LIMCH1: variants seen among roughly 807,000 people sequenced by gnomAD.
LIMCH1 encodes the protein LIM and calponin homology domains 1.
LIMCH1 carries 113 observed loss-of-function variants against 176.5 expected under a neutral mutation model. The observed-to-expected ratio is 0.64, with a 90% CI of 0.55 to 0.75. The LOEUF (loss-of-function observed/expected upper bound fraction) is 0.75, where lower values mean the gene tolerates loss of function less well. Ranked by LOEUF, LIMCH1 falls within the 30% of genes least tolerant of loss-of-function variation. LIMCH1 has a pLI of 0.00. For synonymous variants in LIMCH1, 619 were observed against 645.9 expected, an observed-to-expected ratio of 0.96 and a Z score of 0.63; for missense variants, 1,674 against 1,814.9, an observed-to-expected ratio of 0.92 and a Z score of 1.41.
chr4:41,685,326 A>G (rs764739121), intron 27 of LIMCH1, among the ~76,000 whole-genome samples: 21 of 152,172 alleles, frequency 1.4e-4, no homozygotes, highest in Admixed American at 7.9e-4. Flanking sequence ...TGCCCTATGG[A>G]TTTAAACCAC....
intron 1 of LIMCH1, among the ~76,000 whole-genome samples, chr4:41,460,458 C>CCATATATATATATATATATATATATA (rs1554057132): frequency 4.5e-5 from 5 of 110,546 alleles, no homozygotes; most frequent in African/African-American, 1.2e-4. Context: ...TAGTAATCAT[C>CCATATATATATATATATATATATATA]TATATATATA....
At chr4:41,545,992 C>T (rs1466020430) in intron 1 of LIMCH1, among the ~76,000 whole-genome samples, 1 of 152,080 alleles carries the variant, frequency 6.6e-6, no homozygotes, top group African/African-American at 2.4e-5. Context: ...CTTGGTCTAC[C>T]TGTTTATTCA....
rs73146280 is a variant in LIMCH1, at chr4:41,399,393, G to A, written c.96+38457G>A. ...ATTGTGGTTTGCCTGAGGGAATCTGGGAAGTAAGGAGATGGAAGAAGTTGG... is the reference window on the plus strand; with the variant it reads ...ATTGTGGTTTGCCTGAGGGAATCTGAGAAGTAAGGAGATGGAAGAAGTTGG... On this transcript the variant is annotated intron_variant, in intron 1 of 26. Transcript: ENST00000313860. 7.3e-3 allele frequency among the ~76,000 whole-genome samples: 1,113 copies of A among 152,272 alleles called. 14 individuals are homozygous for A. Among genetic ancestry groups the A allele is most frequent in the African/African-American group, 0.025 (1,050 of 41,556 alleles).
chr4:41,520,349 G>C (rs1049817290), intron 2 of LIMCH1, among the ~76,000 whole-genome samples: 2 of 151,900 alleles, frequency 1.3e-5, no homozygotes, highest in African/African-American at 4.8e-5. Flanking sequence ...TGCCTGGAAC[G>C]CTTGTCCTCC....
chr4:41,564,525 A>G (rs1389572108), intron 1 of LIMCH1, among the ~76,000 whole-genome samples: 2 of 152,094 alleles, frequency 1.3e-5, no homozygotes, highest in African/African-American at 4.8e-5. Context: ...CATACATTAA[A>G]CCCGATATTT....
chr4:41,568,166 G>A (rs1459708543), intron 1 of LIMCH1, among the ~76,000 whole-genome samples: 2 of 152,092 alleles, frequency 1.3e-5, no homozygotes, highest in Admixed American at 1.3e-4. Context: ...AAAGAAAAAA[G>A]CAGCTATGAC....
At chr4:41,376,025 T>C (rs2054714307) in intron 1 of LIMCH1, among the ~76,000 whole-genome samples, 1 of 152,214 alleles carries the variant, frequency 6.6e-6, no homozygotes, top group Admixed American at 6.5e-5. Flanking sequence ...TTTTTTGAGA[T>C]TAGAACATTT....
chr4:41,444,225 C>T (rs1388274521), intron 1 of LIMCH1, among the ~76,000 whole-genome samples: 2 of 151,428 alleles, frequency 1.3e-5, no homozygotes, highest in South Asian at 2.1e-4. Flanking sequence ...TTTACTACTC[C>T]TAAACGACTT....
At position 41,424,706 on chromosome 4, in the gene LIMCH1, T is replaced by C. The variant is rs2060917945; in HGVS notation, c.96+63770T>C. ...AGTTTTCACCAAGCTTGCATACTTTTGGGTTTCAGAACTTGGGGTTTTGGA... is the reference window on the plus strand; with the variant it reads ...AGTTTTCACCAAGCTTGCATACTTTCGGGTTTCAGAACTTGGGGTTTTGGA... On this transcript the variant is annotated intron_variant, in intron 1 of 26. Transcript: ENST00000313860. Among the ~76,000 whole-genome samples, 3 of 152,230 alleles carry C rather than the reference T, an allele frequency of 2.0e-5. No individual in the cohort carries two copies. In the South Asian group the frequency reaches 6.2e-4, roughly 32 times the overall value.
chr4:41,368,338 T>G (rs1581097885), intron 1 of LIMCH1, among the ~76,000 whole-genome samples: 2 of 152,324 alleles, frequency 1.3e-5, no homozygotes, highest in East Asian at 1.9e-4. Flanking sequence ...CAGCATAGTG[T>G]TAGGCATGGT....
At chr4:41,406,402 C>T (rs1358471407) in intron 1 of LIMCH1, among the ~76,000 whole-genome samples, 2 of 152,062 alleles carry the variant, frequency 1.3e-5, no homozygotes, top group African/African-American at 4.8e-5. Flanking sequence ...TGACTTTTAC[C>T]TCTGTGTACT....
intron 1 of LIMCH1, among the ~76,000 whole-genome samples, chr4:41,372,425 G>A (rs183624686): frequency 6.6e-6 from 1 of 152,148 alleles, no homozygotes; most frequent in Non-Finnish European, 1.5e-5. Flanking sequence ...GTCTTAGTTT[G>A]GGACATTATT....
intron 2 of LIMCH1, among the ~76,000 whole-genome samples, chr4:41,603,348 A>G (rs1432779083): frequency 1.3e-5 from 2 of 152,202 alleles, no homozygotes; most frequent in African/African-American, 4.8e-5. Context: ...TAACAGGCAT[A>G]TTTTCCTGCT....
At chr4:41,529,862 C>T (rs956143736) in intron 3 of LIMCH1, among the ~76,000 whole-genome samples, 2 of 152,072 alleles carry the variant, frequency 1.3e-5, no homozygotes, top group South Asian at 2.1e-4. Flanking sequence ...GGAAATTTGA[C>T]GCTAGCTGAA....
At chr4:41,365,142 C>T (rs2052777733) in intron 1 of LIMCH1, among the ~76,000 whole-genome samples, 1 of 152,248 alleles carries the variant, frequency 6.6e-6, no homozygotes, top group Non-Finnish European at 1.5e-5. Context: ...TTCAACCCAA[C>T]TCAGCCTTAT....
chr4:41,612,190 G>A (rs866470237), intron 4 of LIMCH1: 1 of 208,830 alleles, frequency 4.8e-6, no homozygotes, highest in Non-Finnish European at 9.6e-6. Flanking sequence ...TCTGTCCCCC[G>A]CAAAGGGCCT....
In LIMCH1 at chr4:41,650,760, G is replaced by A. The variant is rs186774825; in HGVS notation, c.3036+152G>A. 5.3e-4 allele frequency: 361 copies of A among 686,368 alleles called. 3 individuals carry two copies. In the African/African-American group the frequency reaches 5.8e-3, roughly 11 times the overall value. The allele number at this position is 686,368 out of a possible 1,614,324, so 42.5% of individuals were successfully genotyped here. ...TGCTGTAAGTACCACAAACTCAGTG[G>A]CTTAAACAACAGAAACTGTCTCACA... On this transcript the variant is annotated intron_variant, in intron 18 of 31. Transcript: ENST00000503057.
intron 1 of LIMCH1, among the ~76,000 whole-genome samples, chr4:41,362,992 C>G (rs948617923): frequency 1.2e-4 from 19 of 152,184 alleles, no homozygotes; most frequent in African/African-American, 4.6e-4. Context: ...CCCAGGCGAG[C>G]TGCGTGTGCA....
chr4:41,479,721 T>C (rs538851979), intron 1 of LIMCH1, among the ~76,000 whole-genome samples: 122 of 152,362 alleles, frequency 8.0e-4, no homozygotes, highest in African/African-American at 2.9e-3. Context: ...ATCTCTTATC[T>C]AGAATAGCAA....
Sources: gnomAD v4.1 joint callset for allele counts (sites outside exome capture counted in the v4.1 genomes callset) on GRCh38, gnomAD v4.1.1 for gene constraint, MANE v1.5 for transcripts, NCBI Gene and HGNC (gene_info 2026-07-23, HGNC 2026-07-21) for gene names.